The following NRXN1 variants were observed in gnomAD, a reference collection of about 807,000 sequenced individuals.
The protein encoded by NRXN1 is neurexin-1.
A neutral mutation model predicts 150.9 loss-of-function variants in NRXN1; 39 were observed. That is an observed-to-expected ratio of 0.26 (90% confidence interval 0.20 to 0.34). The LOEUF (loss-of-function observed/expected upper bound fraction) is 0.34. Among genes scored for constraint, NRXN1 ranks in the 10% least tolerant of loss-of-function variants. The probability of loss-of-function intolerance (pLI) is 1.00; values close to 1 mark genes in which losing one functional copy is unlikely to be tolerated. For missense variants in NRXN1, 1,815 were observed against 1,949.9 expected, an observed-to-expected ratio of 0.93 and a Z score of 1.30; for synonymous variants, 924 against 757.0, an observed-to-expected ratio of 1.22 and a Z score of -3.62.
At chr2:50,640,778 T>G (rs1683967621) in intron 5 of NRXN1, among the ~76,000 whole-genome samples, 1 of 152,202 alleles carries the variant, frequency 6.6e-6, no homozygotes. Flanking sequence ...TTCAGTTGTT[T>G]TCAATTTTTT....
chr2:50,457,243 A>G (rs2087661545), intron 17 of NRXN1, among the ~76,000 whole-genome samples: 1 of 152,156 alleles, frequency 6.6e-6, no homozygotes, highest in South Asian at 2.1e-4. Flanking sequence ...ATAAGGTTTA[A>G]ATTTACATCT....
At chr2:50,380,114 T>A (rs2080841057) in intron 17 of NRXN1, among the ~76,000 whole-genome samples, 1 of 152,156 alleles carries the variant, frequency 6.6e-6, no homozygotes, top group South Asian at 2.1e-4. Context: ...ATATATTTTT[T>A]ACTTTTCATT....
At chr2:50,529,077 C>G (rs1274601729) in intron 11 of NRXN1, 1 of 156,692 alleles carries the variant, frequency 6.4e-6, no homozygotes, top group African/African-American at 2.4e-5. Context: ...TAATATCCCA[C>G]AAAGGCCAAC....
intron 19 of NRXN1, among the ~76,000 whole-genome samples, chr2:50,061,003 G>T (rs912629604): frequency 1.3e-5 from 2 of 152,056 alleles, no homozygotes; most frequent in Non-Finnish European, 2.9e-5. Context: ...CCACCATTAG[G>T]TATAAAATAG....
At chr2:50,822,310 TCAA>T (rs1245179181) in intron 5 of NRXN1, among the ~76,000 whole-genome samples, 2 of 152,142 alleles carry the variant, frequency 1.3e-5, no homozygotes, top group Non-Finnish European at 2.9e-5. Flanking sequence ...AAGATACGTT[TCAA>T]AGTAAGAAGT....
chr2:50,766,188 A>T (rs539167776), intron 5 of NRXN1, among the ~76,000 whole-genome samples: 1 of 151,984 alleles, frequency 6.6e-6, no homozygotes, highest in Non-Finnish European at 1.5e-5. Context: ...GAGGAAAAGG[A>T]GGTTTTCTAT....
intron 2 of NRXN1, among the ~76,000 whole-genome samples, chr2:51,011,536 A>G (rs754543447): frequency 7.1e-4 from 108 of 152,022 alleles, no homozygotes; most frequent in Non-Finnish European, 1.5e-3. Flanking sequence ...TGGGTTTTAA[A>G]TGATGGGTGA....
intron 5 of NRXN1, among the ~76,000 whole-genome samples, chr2:50,639,921 T>A (rs1426196960): frequency 6.6e-6 from 1 of 152,190 alleles, no homozygotes; most frequent in East Asian, 1.9e-4. Flanking sequence ...GATAATGGAT[T>A]TTATTTTGAT....
intron 19 of NRXN1, among the ~76,000 whole-genome samples, chr2:50,059,761 G>T (rs922238952): frequency 6.6e-6 from 1 of 152,200 alleles, no homozygotes; most frequent in Non-Finnish European, 1.5e-5. Flanking sequence ...TACAGCTCAG[G>T]TCGTTGCTTC....
intron 17 of NRXN1, among the ~76,000 whole-genome samples, chr2:50,403,717 A>G (rs1260293808): frequency 6.6e-6 from 1 of 152,132 alleles, no homozygotes; most frequent in Admixed American, 6.6e-5. Flanking sequence ...ATTTTAAGGT[A>G]ATCTCATGTA....
At chr2:50,674,296 CA>C (rs1689261584) in intron 5 of NRXN1, among the ~76,000 whole-genome samples, 1 of 151,952 alleles carries the variant, frequency 6.6e-6, no homozygotes, top group Non-Finnish European at 1.5e-5. Flanking sequence ...AAGTTAAAAA[CA>C]AACTAACAAA....
chr2:50,405,257 T>C (rs543642267), intron 17 of NRXN1, among the ~76,000 whole-genome samples: 36 of 152,244 alleles, frequency 2.4e-4, no homozygotes, highest in Admixed American at 2.0e-3. Context: ...TGATGTTCAA[T>C]GAAGTCGCAG....
chr2:50,758,097 G>C (rs540882773), intron 5 of NRXN1: 1 of 151,906 alleles, frequency 6.6e-6, no homozygotes, highest in African/African-American at 2.4e-5. Flanking sequence ...TCAGAAATTA[G>C]TGAAGTCCTT....
Position 50,751,083 on chromosome 2 carries a change from G to C in NRXN1, c.833-127468C>G, listed in dbSNP as rs530745431. On this transcript the variant is annotated intron_variant, in intron 5 of 22. Coordinates refer to ENST00000401669, the MANE Select transcript of NRXN1 (RefSeq NM_001330078.2). ...CACAGGTAGTACCTAAAGTCTACCT[G>C]AAGATTCTCTCCAGGACATGGGTTA... Among the ~76,000 whole-genome samples the C allele has an allele frequency of 3.3e-5, 5 of 152,082 alleles. 1 individual carries two copies. In the East Asian group the frequency reaches 5.9e-4, roughly 18 times the overall value.
At chr2:50,599,142 A>G (rs1203623669) in intron 8 of NRXN1, among the ~76,000 whole-genome samples, 1 of 152,172 alleles carries the variant, frequency 6.6e-6, no homozygotes, top group Non-Finnish European at 1.5e-5. Flanking sequence ...ATCTGTAGAT[A>G]CTTTTATGTC....
chr2:50,121,105 A>C (rs1432546071), intron 18 of NRXN1, among the ~76,000 whole-genome samples: 3 of 152,138 alleles, frequency 2.0e-5, no homozygotes, highest in Non-Finnish European at 4.4e-5. Context: ...GCTGACTGCA[A>C]CCTCTGCCTC....
intron 21 of NRXN1, among the ~76,000 whole-genome samples, chr2:49,960,398 T>G (rs1299087412): frequency 6.6e-6 from 1 of 152,196 alleles, no homozygotes; most frequent in African/African-American, 2.4e-5. Context: ...CTCACCAGTG[T>G]GGCTGCTCTA....
At chr2:50,050,247 T>G (rs1692499139) in intron 21 of NRXN1, among the ~76,000 whole-genome samples, 1 of 151,626 alleles carries the variant, frequency 6.6e-6, no homozygotes, top group Admixed American at 6.6e-5. Flanking sequence ...TGAACACTAC[T>G]ATATTCTCTG....
chr2:50,107,681 C>T (rs563133405), intron 18 of NRXN1, among the ~76,000 whole-genome samples: 3 of 151,242 alleles, frequency 2.0e-5, no homozygotes, highest in East Asian at 1.9e-4. Flanking sequence ...GTTAATAAAA[C>T]TATTACAACA....
Sources: allele counts gnomAD v4.1 joint callset (sites outside exome capture counted in the v4.1 genomes callset), GRCh38; gene constraint gnomAD v4.1.1; transcripts MANE v1.5; gene names NCBI Gene and HGNC (gene_info 2026-07-23, HGNC 2026-07-21).